DAB2IP: variants seen among roughly 807,000 people sequenced by gnomAD.
DAB2IP encodes DAB2 interacting protein.
DAB2IP carries 28 observed loss-of-function variants against 107.2 expected under a neutral mutation model. The ratio of observed to expected loss-of-function variants is 0.26; its 90% CI spans 0.19 to 0.36. The LOEUF is 0.36. Among genes scored for constraint, DAB2IP ranks in the 10% least tolerant of loss-of-function variants. The probability of loss-of-function intolerance (pLI) is 1.00; values close to 1 mark genes in which losing one functional copy is unlikely to be tolerated. For missense variants in DAB2IP, 1,400 were observed against 1,644.7 expected, an observed-to-expected ratio of 0.85 and a Z score of 2.57; for synonymous variants, 755 against 706.4, an observed-to-expected ratio of 1.07 and a Z score of -1.09.
At chr9:121,622,277 C>T (rs1223535742) in intron 1 of DAB2IP, among the ~76,000 whole-genome samples, 1 of 152,196 alleles carries the variant, frequency 6.6e-6, no homozygotes, top group Non-Finnish European at 1.5e-5. Flanking sequence ...CGTGAGCCAC[C>T]GCACCCGGCC....
At chr9:121,614,660 G>C (rs953282142) in intron 1 of DAB2IP, among the ~76,000 whole-genome samples, 1 of 151,228 alleles carries the variant, frequency 6.6e-6, no homozygotes, top group Non-Finnish European at 1.5e-5. Context: ...ATTCTGTTGT[G>C]CGGTTTCTAC....
rs1835229415 is a variant in DAB2IP at position 121,776,776 on chromosome 9, G to A, written c.3314+385G>A. On this transcript the variant is annotated intron_variant, in intron 14 of 15. Coordinates refer to ENST00000408936, the Ensembl canonical transcript of DAB2IP. This position sits in a 1 kb window ranked among gnomAD's most constrained non-coding sequence, Gnocchi z 5.4. Reference sequence around the variant, plus strand: ...GTAAGAAAAGTGGGAATGAGTCTCAGTTACGTATAGTAGATGAAGGTGGAA... The same window carrying A: ...GTAAGAAAAGTGGGAATGAGTCTCAATTACGTATAGTAGATGAAGGTGGAA... Among the ~76,000 whole-genome samples, 1 of 152,112 alleles carries A rather than the reference G, an allele frequency of 6.6e-6. No homozygotes were observed. Among genetic ancestry groups the A allele is most frequent in the Admixed American group, 6.5e-5 (1 of 15,278 alleles).
intron 2 of DAB2IP, among the ~76,000 whole-genome samples, chr9:121,690,100 C>G (rs1264726612): frequency 6.6e-6 from 1 of 152,228 alleles, no homozygotes; most frequent in Non-Finnish European, 1.5e-5. Flanking sequence ...GTGCCTGAAG[C>G]TTAGACAGGG....
chr9:121,640,045 G>A (rs1476648295), intron 1 of DAB2IP, among the ~76,000 whole-genome samples: 1 of 152,210 alleles, frequency 6.6e-6, no homozygotes, highest in African/African-American at 2.4e-5. Context: ...GGGAACAGGG[G>A]CCCAGAGGGC....
Position 121,617,195 on chromosome 9 carries a change from C to T in DAB2IP, c.40+49967C>T, listed in dbSNP as rs143439079. On this transcript the variant is annotated intron_variant, in intron 1 of 16. Transcript: ENST00000259371. ...CAAAAATTAGCCAGGCATGGTGGCACGCGCCTGTAATCCCAGCTACTCAGG... is the reference window on the plus strand; with the variant it reads ...CAAAAATTAGCCAGGCATGGTGGCATGCGCCTGTAATCCCAGCTACTCAGG... 5.9e-5 allele frequency among the ~76,000 whole-genome samples: 9 copies of T among 152,176 alleles called. No homozygotes were observed. The East Asian group carries it at 1.5e-3, about 26-fold the overall frequency.
chr9:121,757,110 G>C, exon 4 of DAB2IP: 1 of 1,614,218 alleles, frequency 6.2e-7, no homozygotes, highest in Non-Finnish European at 8.5e-7. Flanking sequence ...CATGGAGGAA[G>C]AGGTGGTCAT....
intron 1 of DAB2IP, among the ~76,000 whole-genome samples, chr9:121,618,576 G>A (rs1831357018): frequency 6.6e-6 from 1 of 152,182 alleles, no homozygotes; most frequent in Admixed American, 6.5e-5. Context: ...GGCCAGGCTA[G>A]TCTCGAACTC....
At chr9:121,738,453 A>G (rs1335094136) in intron 3 of DAB2IP, among the ~76,000 whole-genome samples, 2 of 152,178 alleles carry the variant, frequency 1.3e-5, no homozygotes, top group African/African-American at 4.8e-5. Context: ...TAGAGCAAAG[A>G]ACATCAGACA....
chr9:121,585,374 C>T (rs1224841030), intron 1 of DAB2IP, among the ~76,000 whole-genome samples: 4 of 152,076 alleles, frequency 2.6e-5, no homozygotes, highest in African/African-American at 9.7e-5. Flanking sequence ...ACCTCTCTGC[C>T]TCAGTTTTCT....
intron 1 of DAB2IP, among the ~76,000 whole-genome samples, chr9:121,621,836 G>A (rs969541867): frequency 1.4e-5 from 2 of 145,142 alleles, no homozygotes; most frequent in Non-Finnish European, 3.0e-5. Flanking sequence ...CGTATTTTTA[G>A]TAGACATGGG....
intron 3 of DAB2IP, among the ~76,000 whole-genome samples, chr9:121,712,737 A>G (rs577668425): frequency 6.6e-5 from 10 of 152,278 alleles, no homozygotes; most frequent in Admixed American, 6.5e-4. Flanking sequence ...CTGTAGGAGT[A>G]TTTCTTAAAT....
intron 14 of DAB2IP, among the ~76,000 whole-genome samples, chr9:121,780,174 A>G (rs1727010829): frequency 6.6e-6 from 1 of 152,164 alleles, no homozygotes; most frequent in Non-Finnish European, 1.5e-5. Context: ...GCGTGAGCCA[A>G]TGTGCCCGGC....
chr9:121,709,183 C>T (rs766777265), intron 3 of DAB2IP, among the ~76,000 whole-genome samples: 22 of 152,162 alleles, frequency 1.4e-4, no homozygotes, highest in Non-Finnish European at 1.5e-4. Flanking sequence ...ACTAGTGTCT[C>T]GGGGCCCAGG....
chr9:121,620,234 C>A (rs1037099807), intron 1 of DAB2IP, among the ~76,000 whole-genome samples: 104 of 152,188 alleles, frequency 6.8e-4, no homozygotes, highest in South Asian at 2.1e-4. Context: ...GGAGCCCTGG[C>A]CAGGCACCCC....
chr9:121,775,833 C>A (rs370873739), intron 13 of DAB2IP, among the ~76,000 whole-genome samples: 48 of 152,352 alleles, frequency 3.2e-4, no homozygotes, highest in African/African-American at 1.1e-3. Context: ...TCCCACCTCT[C>A]AGGGTGCTGT....
intron 1 of DAB2IP, among the ~76,000 whole-genome samples, chr9:121,659,199 C>T (rs148500788): frequency 6.6e-6 from 1 of 152,180 alleles, no homozygotes; most frequent in Non-Finnish European, 1.5e-5. Context: ...GGAGATGACT[C>T]CTTCCTACTG....
rs10985339 is a variant in DAB2IP, at chr9:121,640,599, A to G, written c.41-38079A>G. On this transcript the variant is annotated intron_variant, in intron 1 of 16. Transcript: ENST00000259371. The stretch of plus-strand genomic sequence containing the variant: ...CCTCTGGGCTTTTAAATGAGGATCA[A>G]TCAGAGGTCAGCCCCTCCCCAAGTT... Among the ~76,000 whole-genome samples, 14 of 152,270 alleles carry G rather than the reference A, an allele frequency of 9.2e-5. No homozygotes were observed. In the East Asian group the frequency reaches 1.5e-3, roughly 17 times the overall value.
chr9:121,658,137 G>C (rs1833046063), intron 1 of DAB2IP, among the ~76,000 whole-genome samples: 1 of 152,166 alleles, frequency 6.6e-6, no homozygotes, highest in South Asian at 2.1e-4. Context: ...TGTTGAACTT[G>C]ACACAAACAC....
intron 2 of DAB2IP, among the ~76,000 whole-genome samples, chr9:121,691,736 C>T (rs1365018565): frequency 6.6e-6 from 1 of 152,178 alleles, no homozygotes; most frequent in African/African-American, 2.4e-5. Context: ...GTGGAATCCC[C>T]TGCTCCCACC....
Sources: allele counts gnomAD v4.1 joint callset (sites outside exome capture counted in the v4.1 genomes callset), GRCh38; gene constraint gnomAD v4.1.1; non-coding constraint Gnocchi (gnomAD v3.1); transcripts MANE v1.5; gene names NCBI Gene and HGNC (gene_info 2026-07-23, HGNC 2026-07-21).